Variants in SLC36A3 observed in about 807,000 individuals in gnomAD.
SLC36A3 encodes solute carrier family 36 member 3.
SLC36A3 carries 35 observed loss-of-function variants against 44.3 expected under a neutral mutation model. The ratio of observed to expected loss-of-function variants is 0.79; its 90% confidence interval spans 0.60 to 1.05. The LOEUF (loss-of-function observed/expected upper bound fraction) is 1.05. SLC36A3 is among the 50% of genes least tolerant of loss of function. The pLI, the probability that SLC36A3 is intolerant of heterozygous loss-of-function variation, is 0.00. For synonymous variants in SLC36A3, 211 were observed against 227.6 expected, an observed-to-expected ratio of 0.93 and a Z score of 0.66; for missense variants, 540 against 578.7, an observed-to-expected ratio of 0.93 and a Z score of 0.69.
Position 151,298,589 on chromosome 5 carries a change from T to C in SLC36A3, c.219+4A>G, listed in dbSNP as rs757027749. 1.4e-5 allele frequency: 22 copies of C among 1,614,010 alleles called. No individual in the cohort carries two copies. Among genetic ancestry groups the C allele is most frequent in the Non-Finnish European group, 1.8e-5 (21 of 1,179,988 alleles). On this transcript the variant is annotated splice_donor_region_variant and intron_variant, in intron 2 of 9. Coordinates refer to ENST00000335230, the MANE Select transcript of SLC36A3 (RefSeq NM_181774.4). The stretch of plus-strand genomic sequence containing the variant: ...CTAGTTCCCATCCCACAGATGCCTC[T>C]TACCAACAAGCCGGCATTCTTTATG...
rs757978501 is a variant in SLC36A3, at chr5:151,298,694, G to T, written c.129-11C>A. ...AAAGTTTGCATCATCCTGTGGTGGG[G>T]AGAGTAGGGAGACAGAGGGTACTGT... On this transcript the variant is annotated splice_polypyrimidine_tract_variant and intron_variant, in intron 1 of 9. Coordinates refer to ENST00000335230, the MANE Select transcript of SLC36A3 (RefSeq NM_181774.4). 13 of 1,613,394 alleles carry T rather than the reference G, an allele frequency of 8.1e-6. No homozygotes were observed. The highest frequency in any genetic ancestry group is 1.0e-5 in the Non-Finnish European group (12 of 1,179,476).
At chr5:151,291,715 A>G (rs1312517380) in intron 4 of SLC36A3, among the ~76,000 whole-genome samples, 1 of 152,228 alleles carries the variant, frequency 6.6e-6, no homozygotes, top group Non-Finnish European at 1.5e-5. Flanking sequence ...GCTGTCATGT[A>G]TATAAATATG....
At chr5:151,293,214 G>A in intron 4 of SLC36A3, 150 bp downstream of exon 4, 1 of 666,506 alleles carries the variant, frequency 1.5e-6, no homozygotes, top group Non-Finnish European at 2.5e-6. Context: ...GGTACAGAGT[G>A]AGATGGGGGA....
In SLC36A3 at chr5:151,277,205, TA is replaced by T; in HGVS notation, c.*187del. ...GGTACAAAAGGCCATCCAAAAAATA[TA>T]AAACCAAAAGAGGTGTAGCCTGAGA... On this transcript the variant is annotated 3_prime_UTR_variant, in exon 10 of 10. Coordinates refer to ENST00000335230, the MANE Select transcript of SLC36A3 (RefSeq NM_181774.4). 1 of 778,142 alleles carries T rather than the reference TA, an allele frequency of 1.3e-6. No individual in the cohort carries two copies. Among genetic ancestry groups the T allele is most frequent in the Non-Finnish European group, 2.0e-6 (1 of 509,662 alleles). The allele number at this position is 778,142 out of a possible 1,614,324, so 48.2% of individuals were successfully genotyped here.
In SLC36A3 at chr5:151,299,248, CTCTCTCTCTCTCTCTCTATA is replaced by C. The variant is rs1256591784; in HGVS notation, c.129-585_129-566del. 1.7e-3 allele frequency among the ~76,000 whole-genome samples: 164 copies of C among 95,146 alleles called. 2 individuals are homozygous for C. Among genetic ancestry groups the C allele is most frequent in the African/African-American group, 5.8e-3 (130 of 22,604 alleles). 62.4% of individuals were successfully genotyped at this position (95,146 alleles called of 152,430 possible). A position where few individuals can be genotyped will look rare whatever the true frequency, so the allele number is the denominator to read the frequency against. On this transcript the variant is annotated intron_variant, in intron 1 of 9. Transcript: ENST00000335230. Reference sequence around the variant, plus strand: ...GCGCTCTCTCTCTCTCTCTCTCTCTCTCTCTCTCTCTCTCTCTATATATATATATATATATATATATATGA... The same window carrying C: ...GCGCTCTCTCTCTCTCTCTCTCTCTCTATATATATATATATATATATATGA...
In SLC36A3 at chr5:151,277,675, A is replaced by T. The variant is rs780777277; in HGVS notation, c.1145-14T>A. On this transcript the variant is annotated splice_polypyrimidine_tract_variant and intron_variant, in intron 9 of 9. Coordinates refer to ENST00000335230, the MANE Select transcript of SLC36A3 (RefSeq NM_181774.4). ...TGGCTGAGACACCTGCAATGAAAGGAGATATTTAGAATCACTGAATGTGCT... is the reference window on the plus strand; with the variant it reads ...TGGCTGAGACACCTGCAATGAAAGGTGATATTTAGAATCACTGAATGTGCT... 1 of 1,611,808 alleles carries T rather than the reference A, an allele frequency of 6.2e-7. No homozygotes were observed. Among genetic ancestry groups the T allele is most frequent in the Non-Finnish European group, 8.5e-7 (1 of 1,178,934 alleles).
intron 6 of SLC36A3, among the ~76,000 whole-genome samples, chr5:151,286,694 A>G (rs1015224974): frequency 4.6e-5 from 7 of 152,264 alleles, no homozygotes; most frequent in Admixed American, 2.0e-4. Context: ...GATTGTTCAG[A>G]TCCATGGATG....
intron 4 of SLC36A3, among the ~76,000 whole-genome samples, chr5:151,290,009 A>C (rs1051214028): frequency 2.0e-5 from 3 of 152,090 alleles, no homozygotes; most frequent in African/African-American, 7.2e-5. Context: ...TCTATGTATC[A>C]TTTCTTCTAA....
chr5:151,299,264 C>CTATATATATATATATATATA (rs66776978), intron 1 of SLC36A3, among the ~76,000 whole-genome samples: 6 of 59,648 alleles, frequency 1.0e-4, no homozygotes, highest in East Asian at 6.0e-4. Context: ...CTCTCTCTCT[C>CTATATATATATATATATATA]TATATATATA....
At chr5:151,296,156 A>G (rs774839410) in intron 3 of SLC36A3, 24 bp downstream of exon 3, 2 of 1,613,118 alleles carry the variant, frequency 1.2e-6, no homozygotes, top group Admixed American at 1.7e-5. Context: ...CAGTGCTGGA[A>G]TGAGAGAGAA....
intron 9 of SLC36A3, among the ~76,000 whole-genome samples, chr5:151,279,431 A>G (rs1418823213): frequency 1.3e-5 from 2 of 152,236 alleles, no homozygotes; most frequent in East Asian, 3.8e-4. Context: ...CCAGGTATGT[A>G]GTAGGTGCTC....
chr5:151,303,365 G>A lies in SLC36A3; in HGVS notation c.-11C>T, dbSNP rs1371132127. The A allele has an allele frequency of 6.2e-7, 1 of 1,610,810 alleles. No homozygotes were observed. The highest frequency in any genetic ancestry group is 2.2e-5 in the East Asian group (1 of 44,788). On this transcript the variant is annotated 5_prime_UTR_variant, in exon 1 of 10. Coordinates refer to ENST00000335230, the MANE Select transcript of SLC36A3 (RefSeq NM_181774.4). ...TCCAAGCAATGACATCTTCAACACG[G>A]TGGGTAGGTGGCAGAGGCTCAGGGT...
At chr5:151,302,812 A>T (rs1755207766) in intron 1 of SLC36A3, among the ~76,000 whole-genome samples, 2 of 152,012 alleles carry the variant, frequency 1.3e-5, no homozygotes, top group Non-Finnish European at 2.9e-5. Context: ...AAAGGTGGAG[A>T]CATGGGGTTA....
chr5:151,279,716 A>T (rs1347145), intron 9 of SLC36A3, among the ~76,000 whole-genome samples: 45,091 of 152,000 alleles, frequency 0.3, 7,121 homozygotes, highest in Admixed American at 0.4. Flanking sequence ...ACCAAGTAGG[A>T]TTTTGCTGTT....
intron 4 of SLC36A3, among the ~76,000 whole-genome samples, chr5:151,292,037 T>C (rs980398756): frequency 6.6e-6 from 1 of 152,072 alleles, no homozygotes; most frequent in Non-Finnish European, 1.5e-5. Context: ...ATTTTCATAT[T>C]TTTAGTAGAG....
rs1754139643 is a variant in SLC36A3, at chr5:151,277,568, A to G, written c.1238T>C (p.Leu413Pro). 1 of 1,614,048 alleles carries G rather than the reference A, an allele frequency of 6.2e-7. No homozygotes were observed. Among genetic ancestry groups the G allele is most frequent in the Non-Finnish European group, 8.5e-7 (1 of 1,180,034 alleles). The change falls in exon 10 of 10, where the codon CTC becomes CCC. Residue 413 changes from leucine to proline, a missense_variant. Transcript: ENST00000335230. ...SSALALIIPA[L>P]LEIVIFYSED... ...AGAGTAAAAGATGACGATCTCCAGGAGGGCTGGGATGATGAGAGCCAGGGC... is the reference window on the plus strand; with the variant it reads ...AGAGTAAAAGATGACGATCTCCAGGGGGGCTGGGATGATGAGAGCCAGGGC...
chr5:151,277,652 G>A lies in SLC36A3; in HGVS notation c.1154C>T (p.Ala385Val), dbSNP rs754803625. ...CAAGTCCAGGCGGGGGATGAGGATG[G>A]CTGAGACACCTGCAATGAAAGGAGA... ...SALVCLTCVS[A>V]ILIPRLDLVI... The change falls in exon 10 of 10, where the codon GCC becomes GTC. Residue 385 changes from alanine to valine, a missense_variant. By Grantham distance (64) the Ala-to-Val change is moderately conservative. Coordinates refer to ENST00000335230, the MANE Select transcript of SLC36A3 (RefSeq NM_181774.4). 34 of 1,613,720 alleles carry A rather than the reference G, an allele frequency of 2.1e-5. No individual in the cohort carries two copies. Among genetic ancestry groups the A allele is most frequent in the Non-Finnish European group, 2.7e-5 (32 of 1,179,864 alleles).
chr5:151,303,183 G>A, intron 1 of SLC36A3, 44 bp downstream of exon 1: 1 of 1,582,088 alleles, frequency 6.3e-7, no homozygotes, highest in Non-Finnish European at 8.6e-7. Context: ...TGCAAAAACA[G>A]CAGTGCTTGA....
At chr5:151,299,948 T>C (rs1005864924) in intron 1 of SLC36A3, among the ~76,000 whole-genome samples, 2 of 152,208 alleles carry the variant, frequency 1.3e-5, no homozygotes, top group African/African-American at 4.8e-5. Flanking sequence ...GGTTTGGCCT[T>C]CATGGTGCTC....
Sources: gnomAD v4.1 joint callset for allele counts (sites outside exome capture counted in the v4.1 genomes callset) on GRCh38, gnomAD v4.1.1 for gene constraint, MANE v1.5 for transcripts, NCBI Gene and HGNC (gene_info 2026-07-23, HGNC 2026-07-21) for gene names.